The following KALRN variants were observed in gnomAD, a reference collection of about 807,000 sequenced individuals.
The protein encoded by KALRN is kalirin.
In KALRN, 70 loss-of-function variants were observed where a neutral mutation model predicts 353.7. That is an observed-to-expected ratio of 0.20 (90% CI 0.16 to 0.24). The LOEUF is 0.24. KALRN is among the 10% of genes least tolerant of loss of function. The probability of loss-of-function intolerance (pLI) is 1.00; values close to 1 mark genes in which losing one functional copy is unlikely to be tolerated. For missense variants in KALRN, 2,791 were observed against 3,756.7 expected (o/e 0.74, Z 6.72); for synonymous variants, 1,391 against 1,434.8 (o/e 0.97, Z 0.69).
chr3:124,674,224 A>G, intron 48 of KALRN, 140 bp from the exon 49 acceptor site: 2 of 712,894 alleles, frequency 2.8e-6, no homozygotes, highest in Non-Finnish European at 4.7e-6. Flanking sequence ...ATATCATGTC[A>G]TTACTCAAGA....
intron 34 of KALRN, chr3:124,585,047 T>C (rs921937133): frequency 2.9e-6 from 3 of 1,040,832 alleles, no homozygotes; most frequent in African/African-American, 1.7e-5. Context: ...GGCGGCGAAG[T>C]GAGAGAGTTT....
At chr3:124,465,369 ATTTG>A (rs1387922536) in intron 25 of KALRN, among the ~76,000 whole-genome samples, 1 of 152,110 alleles carries the variant, frequency 6.6e-6, no homozygotes, top group Non-Finnish European at 1.5e-5. Context: ...TTGAGTAAAT[ATTTG>A]TTTGGTAGGT....
At chr3:124,347,369 AG>A in intron 10 of KALRN, 104 bp downstream of exon 10, 2 of 671,984 alleles carry the variant, frequency 3.0e-6, no homozygotes, top group South Asian at 4.2e-5. Context: ...TCAGGTGAGA[AG>A]CTGTGTGTGT....
At chr3:124,451,801 G>A (rs560479077) in intron 21 of KALRN, among the ~76,000 whole-genome samples, 6 of 152,288 alleles carry the variant, frequency 3.9e-5, no homozygotes, top group Admixed American at 6.5e-5. Context: ...AAGCAGCCAC[G>A]TCATCTGGTC....
intron 13 of KALRN, among the ~76,000 whole-genome samples, chr3:124,409,430 G>A (rs1025254505): frequency 6.6e-6 from 1 of 152,194 alleles, no homozygotes; most frequent in Non-Finnish European, 1.5e-5. Context: ...AGATAAGCCA[G>A]AGAAAAATAT....
At chr3:124,177,200 G>C (rs1337807711) in intron 1 of KALRN, among the ~76,000 whole-genome samples, 1 of 152,216 alleles carries the variant, frequency 6.6e-6, no homozygotes, top group Admixed American at 6.5e-5. Context: ...TGAGGACTCA[G>C]CTCTGTGCAG....
intron 47 of KALRN, among the ~76,000 whole-genome samples, chr3:124,667,980 C>T (rs1405131228): frequency 6.6e-6 from 1 of 150,748 alleles, no homozygotes; most frequent in Non-Finnish European, 1.5e-5. Context: ...AAGTTGAATG[C>T]AAAATGTAAC....
At chr3:124,421,043 A>ATCC (rs1302048593) in intron 14 of KALRN, among the ~76,000 whole-genome samples, 1 of 152,176 alleles carries the variant, frequency 6.6e-6, no homozygotes, top group Non-Finnish European at 1.5e-5. Context: ...ATTGGTTAGG[A>ATCC]TCCTGTTCTT....
intron 51 of KALRN, among the ~76,000 whole-genome samples, chr3:124,686,274 G>A (rs1036852484): frequency 2.6e-5 from 4 of 152,200 alleles, no homozygotes; most frequent in African/African-American, 9.7e-5. Flanking sequence ...AGTCTTTCCT[G>A]TGTAACTGGC....
intron 1 of KALRN, among the ~76,000 whole-genome samples, chr3:124,109,081 G>A (rs1280284854): frequency 6.6e-6 from 1 of 152,066 alleles, no homozygotes; most frequent in Admixed American, 6.6e-5. Flanking sequence ...TTGAATTAGA[G>A]GCTCAACATC....
chr3:124,470,429 G>C (rs956063565), intron 25 of KALRN, among the ~76,000 whole-genome samples: 1 of 152,170 alleles, frequency 6.6e-6, no homozygotes, highest in Non-Finnish European at 1.5e-5. Flanking sequence ...AAGTAAAACA[G>C]AGTTTAATAT....
At chr3:124,692,782 A>G (rs919397194) in intron 51 of KALRN, among the ~76,000 whole-genome samples, 1 of 152,252 alleles carries the variant, frequency 6.6e-6, no homozygotes, top group East Asian at 1.9e-4. Flanking sequence ...ATTATAGTGG[A>G]ACATCAGTTA....
chr3:124,456,955 C>A (rs2059366671), intron 23 of KALRN, among the ~76,000 whole-genome samples: 1 of 152,210 alleles, frequency 6.6e-6, no homozygotes, highest in African/African-American at 2.4e-5. Flanking sequence ...ACTTCCTAGA[C>A]AAACCCTTCC....
At chr3:124,371,148 C>G (rs949923512) in intron 10 of KALRN, among the ~76,000 whole-genome samples, 3 of 152,154 alleles carry the variant, frequency 2.0e-5, no homozygotes, top group South Asian at 2.1e-4. Flanking sequence ...GATGTCTTAT[C>G]CTTCTTAGTA....
At position 124,335,988 on chromosome 3, in the gene KALRN, T is replaced by A. The variant is rs3755658; in HGVS notation, c.1647+1493T>A. Among the ~76,000 whole-genome samples the A allele has an allele frequency of 0.014, 2,105 of 152,248 alleles. 88 individuals are homozygous for A. The East Asian group carries it at 0.15, about 11-fold the overall frequency. On this transcript the variant is annotated intron_variant, in intron 9 of 59. Transcript: ENST00000682506. ...GTGTCATTAGAGGGGCCTCTGATGC[T>A]GGGTGCCTGAAGTGGTCAGGCAGAG...
chr3:124,311,064 C>CTTTTTTTTTTTTTTT lies in KALRN; in HGVS notation c.1092+12165_1092+12179dup, dbSNP rs71145446. On this transcript the variant is annotated intron_variant, in intron 6 of 59. Coordinates refer to ENST00000682506, the MANE Select transcript of KALRN (RefSeq NM_001388419.1). ...TCAAAACCACAATGAGATACTACTT[C>CTTTTTTTTTTTTTTT]TTTTTTTTTTTTTTTTTTTTTTTTT... 3.1e-3 allele frequency among the ~76,000 whole-genome samples: 209 copies of CTTTTTTTTTTTTTTT among 67,510 alleles called. 38 individuals carry two copies. The highest frequency in any genetic ancestry group is 0.012 in the Middle Eastern group (1 of 84). The allele number at this position is 67,510 out of a possible 152,430, so 44.3% of individuals were successfully genotyped here.
chr3:124,349,972 C>T (rs2082680800), intron 10 of KALRN, among the ~76,000 whole-genome samples: 1 of 152,094 alleles, frequency 6.6e-6, no homozygotes, highest in Non-Finnish European at 1.5e-5. Context: ...TAGGGCCATC[C>T]CATAGCTTTG....
At chr3:124,365,986 A>AT (rs2149721547) in intron 10 of KALRN, among the ~76,000 whole-genome samples, 1 of 152,356 alleles carries the variant, frequency 6.6e-6, no homozygotes, top group African/African-American at 2.4e-5. Context: ...TGAATAACTA[A>AT]TGCTGGCATT....
chr3:124,321,913 A>C (rs1352086671), intron 6 of KALRN, among the ~76,000 whole-genome samples: 1 of 152,226 alleles, frequency 6.6e-6, no homozygotes, highest in Non-Finnish European at 1.5e-5. Flanking sequence ...ATAATTTAAT[A>C]ACAACAGACT....
Sources: allele counts gnomAD v4.1 joint callset (sites outside exome capture counted in the v4.1 genomes callset), GRCh38; gene constraint gnomAD v4.1.1; transcripts MANE v1.5; gene names NCBI Gene and HGNC (gene_info 2026-07-23, HGNC 2026-07-21).